Variants in GALNTL6 observed in about 807,000 individuals in gnomAD.
GALNTL6 encodes polypeptide N-acetylgalactosaminyltransferase-like 6.
In GALNTL6, 46 loss-of-function variants were observed where a neutral mutation model predicts 73.7. The ratio of observed to expected loss-of-function variants is 0.62; its 90% confidence interval spans 0.49 to 0.80. The LOEUF (loss-of-function observed/expected upper bound fraction) is 0.80. Ranked by LOEUF, GALNTL6 falls within the 30% of genes least tolerant of loss-of-function variation. GALNTL6 has a pLI of 0.00. For missense variants in GALNTL6, 604 were observed against 755.0 expected (o/e 0.80, Z 2.34); for synonymous variants, 259 against 263.7 (o/e 0.98, Z 0.17).
chr4:171,862,367 G>T (rs1735854235), intron 2 of GALNTL6, among the ~76,000 whole-genome samples: 1 of 151,960 alleles, frequency 6.6e-6, no homozygotes. Context: ...CAGAAACTTA[G>T]AAAAATAAAA....
intron 5 of GALNTL6, among the ~76,000 whole-genome samples, chr4:172,399,817 A>G (rs551569684): frequency 6.6e-6 from 1 of 152,274 alleles, no homozygotes; most frequent in African/African-American, 2.4e-5. Context: ...TGTTTAAATG[A>G]AGACTTATTT....
At chr4:172,036,750 A>G (rs541406695) in intron 2 of GALNTL6, among the ~76,000 whole-genome samples, 134 of 152,250 alleles carry the variant, frequency 8.8e-4, no homozygotes, top group African/African-American at 3.0e-3. Context: ...GTTAAACTAC[A>G]TTGAGAACCC....
intron 5 of GALNTL6, among the ~76,000 whole-genome samples, chr4:172,651,932 A>G (rs1353000353): frequency 6.6e-6 from 1 of 152,170 alleles, no homozygotes; most frequent in Non-Finnish European, 1.5e-5. Flanking sequence ...GTTCCCAAAG[A>G]CCAGAGACAT....
chr4:172,476,964 G>A (rs1733259386), intron 5 of GALNTL6, among the ~76,000 whole-genome samples: 2 of 129,694 alleles, frequency 1.5e-5, no homozygotes, highest in Non-Finnish European at 3.1e-5. Context: ...TTGCTCTGTC[G>A]CCCAGGCTAG....
chr4:172,711,653 T>G (rs1394660514), intron 5 of GALNTL6, among the ~76,000 whole-genome samples: 1 of 152,164 alleles, frequency 6.6e-6, no homozygotes, highest in Non-Finnish European at 1.5e-5. Flanking sequence ...GACTTTTTTG[T>G]GAACATATTA....
intron 9 of GALNTL6, among the ~76,000 whole-genome samples, chr4:172,943,787 T>C (rs1238691930): frequency 6.6e-6 from 1 of 152,246 alleles, no homozygotes; most frequent in African/African-American, 2.4e-5. Context: ...ACCTGATTGA[T>C]ATATGCAAGA....
intron 2 of GALNTL6, among the ~76,000 whole-genome samples, chr4:172,034,951 G>A (rs1439954306): frequency 6.6e-6 from 1 of 152,090 alleles, no homozygotes; most frequent in Admixed American, 6.6e-5. Context: ...ATTGCAATAT[G>A]TACAATTCCT....
At chr4:171,920,285 C>T (rs1444901935) in intron 2 of GALNTL6, among the ~76,000 whole-genome samples, 3 of 151,490 alleles carry the variant, frequency 2.0e-5, no homozygotes, top group South Asian at 2.1e-4. Context: ...TGTTAAATGA[C>T]GAGTTAATGG....
In GALNTL6 at chr4:172,220,455, A is replaced by G. The variant is rs1253426760; in HGVS notation, c.139-9201A>G. 2.6e-5 allele frequency among the ~76,000 whole-genome samples: 4 copies of G among 151,750 alleles called. No individual in the cohort carries two copies. In the East Asian group the frequency reaches 7.7e-4, roughly 29 times the overall value. Reference sequence around the variant, plus strand: ...AATAAAATTACATCAGCACTAAAATACTGGTGCTAGAAGGGGAATATGGTA... The same window carrying G: ...AATAAAATTACATCAGCACTAAAATGCTGGTGCTAGAAGGGGAATATGGTA... On this transcript the variant is annotated intron_variant, in intron 2 of 12. Transcript: ENST00000506823.
intron 5 of GALNTL6, among the ~76,000 whole-genome samples, chr4:172,738,563 A>T (rs6829986): frequency 0.31 from 47,544 of 152,076 alleles, 8,080 homozygotes; most frequent in Middle Eastern, 0.46. Context: ...TTTAATGCAG[A>T]ATACATGATT....
At chr4:172,535,118 C>T (rs1427655881) in intron 5 of GALNTL6, among the ~76,000 whole-genome samples, 1 of 152,084 alleles carries the variant, frequency 6.6e-6, no homozygotes, top group Non-Finnish European at 1.5e-5. Context: ...TTAATCAATT[C>T]ATTTCTGTTT....
intron 3 of GALNTL6, among the ~76,000 whole-genome samples, chr4:172,236,754 T>C (rs1239978991): frequency 5.1e-5 from 2 of 39,336 alleles, no homozygotes; most frequent in East Asian, 1.6e-3. Context: ...AGGTATACAT[T>C]TGCAGGTTGA....
chr4:172,542,370 C>T (rs754886690), intron 5 of GALNTL6, among the ~76,000 whole-genome samples: 2 of 152,118 alleles, frequency 1.3e-5, no homozygotes, highest in Non-Finnish European at 2.9e-5. Flanking sequence ...CCCGTGCAAG[C>T]TCCCAGCTTG....
At chr4:171,945,437 G>A (rs774899658) in intron 2 of GALNTL6, among the ~76,000 whole-genome samples, 2 of 152,132 alleles carry the variant, frequency 1.3e-5, no homozygotes, top group Non-Finnish European at 2.9e-5. Flanking sequence ...CAGCAATGCA[G>A]TGAAGAGTGT....
chr4:172,118,700 A>C (rs746785179), intron 2 of GALNTL6, among the ~76,000 whole-genome samples: 7 of 151,818 alleles, frequency 4.6e-5, no homozygotes, highest in Non-Finnish European at 1.0e-4. Context: ...ACTCTGTCTC[A>C]AAACAAAAAA....
intron 5 of GALNTL6, among the ~76,000 whole-genome samples, chr4:172,583,817 AAC>A: frequency 6.7e-6 from 1 of 149,122 alleles, no homozygotes. Context: ...GAAACACTTG[AAC>A]CCAGGAGGTG....
At chr4:172,893,085 C>T (rs1746126480) in intron 8 of GALNTL6, among the ~76,000 whole-genome samples, 1 of 152,198 alleles carries the variant, frequency 6.6e-6, no homozygotes, top group South Asian at 2.1e-4. Context: ...CAAGCCAGCT[C>T]ACACTTACCC....
chr4:172,607,347 A>C (rs1344958991), intron 5 of GALNTL6, among the ~76,000 whole-genome samples: 1 of 152,060 alleles, frequency 6.6e-6, no homozygotes, highest in Non-Finnish European at 1.5e-5. Flanking sequence ...CTTTGTGTTC[A>C]TGTGTACTCA....
chr4:172,579,473 G>A (rs1348943851), intron 5 of GALNTL6, among the ~76,000 whole-genome samples: 2 of 152,134 alleles, frequency 1.3e-5, no homozygotes, highest in African/African-American at 4.8e-5. Flanking sequence ...GGCAGAGCTT[G>A]TCTCAAGGGC....
Sources: allele counts gnomAD v4.1 joint callset (sites outside exome capture counted in the v4.1 genomes callset), GRCh38; gene constraint gnomAD v4.1.1; transcripts MANE v1.5; gene names NCBI Gene and HGNC (gene_info 2026-07-23, HGNC 2026-07-21).